The following MYT1L variants were observed in gnomAD, a reference collection of about 807,000 sequenced individuals.
The protein encoded by MYT1L is myelin transcription factor 1-like protein.
A neutral mutation model predicts 126.7 loss-of-function variants in MYT1L; 12 were observed. That is an observed-to-expected ratio of 0.09 (90% CI 0.06 to 0.15). The LOEUF is 0.15. Ranked by LOEUF, MYT1L falls within the 10% of genes least tolerant of loss-of-function variation. The pLI is 1.00. For missense variants in MYT1L, 979 were observed against 1,585.2 expected, an observed-to-expected ratio of 0.62 and a Z score of 6.49; for synonymous variants, 541 against 604.2, an observed-to-expected ratio of 0.90 and a Z score of 1.53.
chr2:1,968,061 T>A (rs974115220), intron 8 of MYT1L, among the ~76,000 whole-genome samples: 1 of 152,146 alleles, frequency 6.6e-6, no homozygotes, highest in Non-Finnish European at 1.5e-5. Flanking sequence ...TCCACCCACC[T>A]GGCAAGGAGT....
intron 2 of MYT1L, among the ~76,000 whole-genome samples, chr2:2,181,751 G>A (rs576293559): frequency 5.8e-4 from 88 of 152,280 alleles, no homozygotes; most frequent in Admixed American, 3.5e-3. Flanking sequence ...GGTGCATGCC[G>A]AGAAGTGAGA....
At chr2:2,243,218 T>C (rs937734515) in intron 2 of MYT1L, among the ~76,000 whole-genome samples, 2 of 152,210 alleles carry the variant, frequency 1.3e-5, no homozygotes, top group African/African-American at 4.8e-5. Context: ...TATTACAGTT[T>C]CCTCAACAAC....
At chr2:1,849,787 C>CAT (rs769719641) in intron 19 of MYT1L, among the ~76,000 whole-genome samples, 1 of 152,238 alleles carries the variant, frequency 6.6e-6, no homozygotes, top group Non-Finnish European at 1.5e-5. Context: ...GTGTGCTTTT[C>CAT]ATAGACACGT....
chr2:1,891,956 G>T (rs915319519), intron 15 of MYT1L, 81 bp downstream of exon 15: 48 of 1,438,952 alleles, frequency 3.3e-5, no homozygotes, highest in African/African-American at 4.3e-5. Flanking sequence ...TGCCCCGAAA[G>T]CGCCGCGTGT....
At chr2:2,314,327 CTTAA>C (rs1261499728) in intron 1 of MYT1L, among the ~76,000 whole-genome samples, 16 of 152,188 alleles carry the variant, frequency 1.1e-4, no homozygotes, top group Middle Eastern at 3.2e-3. Flanking sequence ...AGAATGAATA[CTTAA>C]TTACACACTA....
At position 1,852,268 on chromosome 2, in the gene MYT1L, C is replaced by T. The variant is rs1014777661; in HGVS notation, c.2712-565G>A. 2.0e-5 allele frequency among the ~76,000 whole-genome samples: 3 copies of T among 152,232 alleles called. No homozygotes were observed. Among genetic ancestry groups the T allele is most frequent in the Middle Eastern group, 3.4e-3 (1 of 294 alleles). On this transcript the variant is annotated intron_variant, in intron 18 of 24. Coordinates refer to ENST00000647738, the MANE Select transcript of MYT1L (RefSeq NM_001303052.2). The surrounding 1 kb of genome is among the most constrained non-coding windows in gnomAD (Gnocchi z 4.0). Reference sequence around the variant, plus strand: ...TGGGAATGCAGGCCGACTGTCTTTCCGATGACCACTGTGCACTCAGGCAGG... The same window carrying T: ...TGGGAATGCAGGCCGACTGTCTTTCTGATGACCACTGTGCACTCAGGCAGG...
At chr2:1,952,558 T>C (rs970610898) in intron 8 of MYT1L, among the ~76,000 whole-genome samples, 5 of 151,786 alleles carry the variant, frequency 3.3e-5, no homozygotes, top group Non-Finnish European at 5.9e-5. Flanking sequence ...TTTTTCTTCT[T>C]GGAATTCCAG....
chr2:2,000,860 G>T (rs2062298018), intron 4 of MYT1L, among the ~76,000 whole-genome samples: 1 of 152,112 alleles, frequency 6.6e-6, no homozygotes, highest in Non-Finnish European at 1.5e-5. Flanking sequence ...TTTATTCTAT[G>T]CTATGCATGC....
At position 2,163,497 on chromosome 2, in the gene MYT1L, G is replaced by A. The variant is rs192959615; in HGVS notation, c.-304+9375C>T. Among the ~76,000 whole-genome samples, 64 of 152,020 alleles carry A rather than the reference G, an allele frequency of 4.2e-4. 2 individuals are homozygous for A. Among genetic ancestry groups the A allele is most frequent in the East Asian group, 4.1e-3 (21 of 5,172 alleles). ...TCCCAGCACTTTGGGAGGCCGAGGC[G>A]GGTGGATCATGAGGTCAGGAGATCG... On this transcript the variant is annotated intron_variant, in intron 3 of 24. Transcript: ENST00000647738.
Position 1,801,823 on chromosome 2 carries a change from T to C in MYT1L, c.3173-24A>G. ...ACCTGTAATAATGAATATTAGTATG[T>C]TAAAACTGTTATATACAAAAATATT... On this transcript the variant is annotated intron_variant, in intron 22 of 24. Coordinates refer to ENST00000647738, the MANE Select transcript of MYT1L (RefSeq NM_001303052.2). This position sits in a 1 kb window ranked among gnomAD's most constrained non-coding sequence, Gnocchi z 4.2. 1 of 1,402,470 alleles carries C rather than the reference T, an allele frequency of 7.1e-7. No individual in the cohort carries two copies. Among genetic ancestry groups the C allele is most frequent in the Non-Finnish European group, 1.0e-6 (1 of 1,003,102 alleles). 86.9% of individuals were successfully genotyped at this position (1,402,470 alleles called of 1,614,324 possible).
At position 2,075,776 on chromosome 2, in the gene MYT1L, A is replaced by G. The variant is rs137886821; in HGVS notation, c.-303-21653T>C. Among the ~76,000 whole-genome samples, 12 of 152,390 alleles carry G rather than the reference A, an allele frequency of 7.9e-5. 1 individual carries two copies. The highest frequency in any genetic ancestry group is 2.6e-4 in the African/African-American group (11 of 41,590). On this transcript the variant is annotated intron_variant, in intron 3 of 24. Coordinates refer to ENST00000647738, the MANE Select transcript of MYT1L (RefSeq NM_001303052.2). Reference sequence around the variant, plus strand: ...AAATCAACTACTTCAGAATATGACAATTAATCAAAGCCACAGATTAAAATG... The same window carrying G: ...AAATCAACTACTTCAGAATATGACAGTTAATCAAAGCCACAGATTAAAATG...
At chr2:2,030,109 G>GT (rs2066069616) in intron 4 of MYT1L, among the ~76,000 whole-genome samples, 1 of 152,062 alleles carries the variant, frequency 6.6e-6, no homozygotes, top group South Asian at 2.1e-4. Context: ...TAGTTTGTTT[G>GT]TTTTTTAAGA....
intron 2 of MYT1L, among the ~76,000 whole-genome samples, chr2:2,256,175 C>T (rs933807898): frequency 7.2e-5 from 11 of 152,238 alleles, no homozygotes; most frequent in Admixed American, 7.2e-4. Flanking sequence ...GCACAGTGTT[C>T]TCAGTGCTGA....
intron 2 of MYT1L, among the ~76,000 whole-genome samples, chr2:2,200,260 T>C (rs1167647313): frequency 1.3e-5 from 2 of 152,178 alleles, no homozygotes; most frequent in Non-Finnish European, 2.9e-5. Flanking sequence ...TAATGCAACG[T>C]TATTCCTACA....
chr2:2,160,479 G>A (rs2087681727), intron 3 of MYT1L, among the ~76,000 whole-genome samples: 1 of 152,208 alleles, frequency 6.6e-6, no homozygotes, highest in Non-Finnish European at 1.5e-5. Context: ...AATGCTGGAT[G>A]TAGGCCATGG....
intron 21 of MYT1L, chr2:1,828,266 G>A (rs2039642719): frequency 6.6e-6 from 1 of 151,952 alleles, no homozygotes; most frequent in South Asian, 2.1e-4. Context: ...AGGTGACACT[G>A]GGGGGCCTGT....
chr2:1,966,858 A>T (rs919341771), intron 8 of MYT1L, among the ~76,000 whole-genome samples: 5 of 152,186 alleles, frequency 3.3e-5, no homozygotes, highest in African/African-American at 1.2e-4. Flanking sequence ...AAACTGTCTT[A>T]AAAAATCAGA....
intron 2 of MYT1L, among the ~76,000 whole-genome samples, chr2:2,237,178 CTCTT>C (rs967701225): frequency 1.3e-5 from 2 of 152,136 alleles, no homozygotes; most frequent in African/African-American, 4.8e-5. Flanking sequence ...TCCCATCTCA[CTCTT>C]TCCTTTCTGG....
At chr2:1,952,717 T>TTTC (rs1553350369) in intron 8 of MYT1L, among the ~76,000 whole-genome samples, 2 of 7,234 alleles carry the variant, frequency 2.8e-4, no homozygotes, top group Non-Finnish European at 6.8e-4. Context: ...TTCCCTTCCC[T>TTTC]CCTTCCTTCC....
Sources: allele counts gnomAD v4.1 joint callset (sites outside exome capture counted in the v4.1 genomes callset), GRCh38; gene constraint gnomAD v4.1.1; non-coding constraint Gnocchi (gnomAD v3.1); transcripts MANE v1.5; gene names NCBI Gene and HGNC (gene_info 2026-07-23, HGNC 2026-07-21).